Variants in AIPL1 observed in about 807,000 individuals in gnomAD.
The protein encoded by AIPL1 is aryl-hydrocarbon-interacting protein-like 1.
A neutral mutation model predicts 32.9 loss-of-function variants in AIPL1; 23 were observed. The observed-to-expected ratio is 0.70, with a 90% CI of 0.50 to 0.99. The LOEUF is 0.99. Among genes scored for constraint, AIPL1 ranks in the 50% least tolerant of loss-of-function variants. The pLI, the probability that AIPL1 is intolerant of heterozygous loss-of-function variation, is 0.00. For synonymous variants in AIPL1, 210 were observed against 209.4 expected (o/e 1.00, Z -0.02); for missense variants, 485 against 506.0 (o/e 0.96, Z 0.40).
At chr17:6,430,454 C>A (rs1428934484) in intron 2 of AIPL1, among the ~76,000 whole-genome samples, 3 of 54,722 alleles carry the variant, frequency 5.5e-5, no homozygotes, top group African/African-American at 1.3e-4. Context: ...GAAAGTCCGT[C>A]TCAAAAAAAA....
intron 2 of AIPL1, among the ~76,000 whole-genome samples, chr17:6,430,478 A>C (rs953395079): frequency 6.6e-6 from 1 of 151,242 alleles, no homozygotes; most frequent in Non-Finnish European, 1.5e-5. Flanking sequence ...AAAAAAAAAA[A>C]AACAGTTACC....
intron 3 of AIPL1, 109 bp downstream of exon 3, chr17:6,428,209 A>G: frequency 2.4e-6 from 3 of 1,239,454 alleles, no homozygotes; most frequent in Non-Finnish European, 3.5e-6. Flanking sequence ...TATTATCTAA[A>G]CAGAAACAGG....
chr17:6,432,149 C>G (rs79177434), intron 2 of AIPL1, among the ~76,000 whole-genome samples: 1 of 152,104 alleles, frequency 6.6e-6, no homozygotes, highest in Non-Finnish European at 1.5e-5. Flanking sequence ...CTTTAGGAGG[C>G]AGAGGCGGGC....
chr17:6,425,984 G>A, intron 5 of AIPL1, 154 bp from the exon 6 acceptor site: 2 of 1,112,798 alleles, frequency 1.8e-6, no homozygotes, highest in Non-Finnish European at 2.5e-6. Context: ...TCAACTGTAA[G>A]ATGGAGATGA....
At chr17:6,428,839 G>T (rs1012827531) in intron 2 of AIPL1, among the ~76,000 whole-genome samples, 3 of 152,210 alleles carry the variant, frequency 2.0e-5, no homozygotes, top group Non-Finnish European at 2.9e-5. Flanking sequence ...TATGCTGTTA[G>T]CCTCCGGCTG....
chr17:6,433,796 A>G, intron 2 of AIPL1, 123 bp downstream of exon 2: 1 of 1,241,822 alleles, frequency 8.1e-7, no homozygotes, highest in South Asian at 1.3e-5. Context: ...ATAAGTTTGC[A>G]GGACTGGCTT....
intron 2 of AIPL1, among the ~76,000 whole-genome samples, chr17:6,430,480 A>C (rs914797025): frequency 1.3e-5 from 2 of 151,026 alleles, no homozygotes; most frequent in South Asian, 2.1e-4. Flanking sequence ...AAAAAAAAAA[A>C]CAGTTACCAG....
At chr17:6,433,611 TCACACACACACACA>T (rs541117064) in intron 2 of AIPL1, among the ~76,000 whole-genome samples, 156 of 106,296 alleles carry the variant, frequency 1.5e-3, no homozygotes, top group African/African-American at 5.4e-3. Flanking sequence ...TCTCTCTCTC[TCACACACACACACA>T]CACACACACA....
intron 5 of AIPL1, chr17:6,426,284 A>G (rs993634552): frequency 1.5e-6 from 2 of 1,330,342 alleles, no homozygotes; most frequent in Non-Finnish European, 1.9e-6. Context: ...TCCTCGCAAC[A>G]CCAGTACTAG....
chr17:6,429,241 GT>G (rs1289832569), intron 2 of AIPL1, among the ~76,000 whole-genome samples: 1 of 152,166 alleles, frequency 6.6e-6, no homozygotes, highest in Non-Finnish European at 1.5e-5. Context: ...CTGGGCCTCA[GT>G]TTCCCCAACT....
chr17:6,429,203 G>A (rs1238422011), intron 2 of AIPL1, among the ~76,000 whole-genome samples: 1 of 152,214 alleles, frequency 6.6e-6, no homozygotes, highest in African/African-American at 2.4e-5. Context: ...TCCGCCGTGC[G>A]GCCTCAGCGA....
intron 5 of AIPL1, 110 bp downstream of exon 5, chr17:6,426,505 G>A: frequency 6.5e-7 from 1 of 1,529,074 alleles, no homozygotes; most frequent in South Asian, 1.2e-5. Flanking sequence ...TGGAGACAAG[G>A]TTTGGTGCCC....
chr17:6,434,717 T>C (rs980004530), intron 1 of AIPL1, among the ~76,000 whole-genome samples: 2 of 152,122 alleles, frequency 1.3e-5, no homozygotes, highest in Non-Finnish European at 2.9e-5. Context: ...TAACAGACAT[T>C]TGGGGACAAA....
chr17:6,427,663 G>A (rs1003555193), intron 3 of AIPL1, among the ~76,000 whole-genome samples: 24 of 152,076 alleles, frequency 1.6e-4, no homozygotes, highest in Admixed American at 6.6e-5. Context: ...AGCCTCTCCC[G>A]CCACTAGAGA....
Position 6,425,775 on chromosome 17 carries a change from C to G in AIPL1, c.840G>C (p.Glu280Asp), listed in dbSNP as rs1911882176. 6.2e-7 allele frequency: 1 copy of G among 1,606,680 alleles called. No homozygotes were observed. ...RARAHAEVWN[E>D]AEAKADLQKV... ...TCTGGAGGTCCGCCTTGGCCTCGGC[C>G]TCATTCCACACCTCTGCGTGAGCCC... The change falls in exon 6 of 6, where the codon GAG becomes GAC. Residue 280 changes from glutamate to aspartate, a missense_variant. Coordinates refer to ENST00000381129, the MANE Select transcript of AIPL1 (RefSeq NM_014336.5).
In AIPL1 at chr17:6,428,356, C is replaced by T. The variant is rs770330369; in HGVS notation, c.427G>A (p.Glu143Lys). ...GYEDLDELQK[E>K]PQPLVFVIEL... ...ATCACAAAGACCAGAGGCTGAGGCT[C>T]CTTCTGCAGCTCGTCCAGGTCCTCG... The change falls in exon 3 of 6, where the codon GAG (glutamate) becomes AAG (lysine). Residue 143 changes from glutamate (E) to lysine (K), a missense_variant. Coordinates refer to ENST00000381129, the MANE Select transcript of AIPL1 (RefSeq NM_014336.5). 2 of 1,611,662 alleles carry T rather than the reference C, an allele frequency of 1.2e-6. No homozygotes were observed. The highest frequency in any genetic ancestry group is 2.2e-5 in the South Asian group (2 of 91,088).
rs369895657 is a variant in AIPL1, at chr17:6,433,901, C to T, written c.276+18G>A. The T allele has an allele frequency of 3.7e-6, 6 of 1,611,762 alleles. No individual in the cohort carries two copies. The highest frequency in any genetic ancestry group is 3.3e-5 in the South Asian group (3 of 90,688). On this transcript the variant is annotated intron_variant, in intron 2 of 5. Coordinates refer to ENST00000381129, the MANE Select transcript of AIPL1 (RefSeq NM_014336.5). ...GAAAAGACTAGTCCCAGGAGACAGG[C>T]GCGCAGGGCCTACTTACGATGGTGT...
At chr17:6,426,078 A>C (rs930312936) in intron 5 of AIPL1, 1 of 1,215,866 alleles carries the variant, frequency 8.2e-7, no homozygotes, top group Non-Finnish European at 1.1e-6. Flanking sequence ...TATTTTTCTT[A>C]TAGACGCTAC....
chr17:6,434,899 T>C, intron 1 of AIPL1, 110 bp downstream of exon 1: 1 of 1,561,338 alleles, frequency 6.4e-7, no homozygotes, highest in Non-Finnish European at 8.7e-7. Context: ...TGGGGCTGCC[T>C]GGCTGTTTTT....
Sources: gnomAD v4.1 joint callset for allele counts (sites outside exome capture counted in the v4.1 genomes callset) on GRCh38, gnomAD v4.1.1 for gene constraint, MANE v1.5 for transcripts, NCBI Gene and HGNC (gene_info 2026-07-23, HGNC 2026-07-21) for gene names.